Variants in KBTBD11 observed in about 807,000 individuals in gnomAD.
The protein encoded by KBTBD11 is kelch repeat and BTB domain containing 11, also known as kelch repeat and BTB domain-containing protein 11.
For synonymous variants in KBTBD11, 747 were observed against 499.0 expected (o/e 1.50, Z -6.63); for missense variants, 1,390 against 1,001.8 (o/e 1.39, Z -5.23).
intron 1 of KBTBD11, among the ~76,000 whole-genome samples, chr8:1,986,428 G>C (rs915804253): frequency 3.3e-5 from 5 of 152,176 alleles, no homozygotes; most frequent in African/African-American, 1.2e-4. Context: ...GAGATTATTA[G>C]AAAAGGCAGA....
chr8:1,977,249 C>G (rs572352628), intron 1 of KBTBD11, among the ~76,000 whole-genome samples: 2 of 152,026 alleles, frequency 1.3e-5, no homozygotes, highest in Non-Finnish European at 2.9e-5. Context: ...GGAGACTTCC[C>G]GAGTCCTAAA....
chr8:1,997,003 C>G (rs1817165021), intron 1 of KBTBD11, among the ~76,000 whole-genome samples: 1 of 151,990 alleles, frequency 6.6e-6, no homozygotes, highest in Non-Finnish European at 1.5e-5. Context: ...CTCCCTGTCT[C>G]CCCCGCGCGC....
intron 1 of KBTBD11, chr8:1,974,696 G>C: frequency 4.1e-6 from 4 of 985,458 alleles, no homozygotes; most frequent in Non-Finnish European, 4.8e-6. Context: ...GGCGGTCTGG[G>C]CGGGATTCCG....
At chr8:1,999,564 G>T (rs564474168) in intron 1 of KBTBD11, among the ~76,000 whole-genome samples, 2 of 152,340 alleles carry the variant, frequency 1.3e-5, no homozygotes, top group Non-Finnish European at 1.5e-5. Flanking sequence ...TAATGCATCT[G>T]CCGGCACTCA....
intron 1 of KBTBD11, among the ~76,000 whole-genome samples, chr8:1,974,144 G>A (rs1335406486): frequency 7.8e-6 from 1 of 129,014 alleles, no homozygotes; most frequent in African/African-American, 2.9e-5. Context: ...GGAGGGGAGG[G>A]GGGACCGGGA....
intron 1 of KBTBD11, among the ~76,000 whole-genome samples, chr8:1,992,364 C>T (rs1035243264): frequency 1.3e-5 from 2 of 152,038 alleles, no homozygotes; most frequent in African/African-American, 2.4e-5. Flanking sequence ...ACACGTCCCC[C>T]AGATACACTC....
chr8:2,002,663 C>A lies in KBTBD11; in HGVS notation c.1471C>A (p.Arg491Ser). ...QECPCSSSRE[R>S]SADMVALDGF... ...GTGCCCGTGCAGCAGCAGCCGCGAG[C>A]GCTCGGCCGACATGGTGGCTCTCGA... The change falls in exon 2 of 2, where the codon CGC becomes AGC. Residue 491 changes from arginine (R) to serine (S), a missense_variant. Coordinates refer to ENST00000320248, the MANE Select transcript of KBTBD11 (RefSeq NM_014867.3). This position sits in a 1 kb window ranked among gnomAD's most constrained non-coding sequence, Gnocchi z 4.1. 6.4e-7 allele frequency: 1 copy of A among 1,572,284 alleles called. No homozygotes were observed. The highest frequency in any genetic ancestry group is 8.6e-7 in the Non-Finnish European group (1 of 1,168,224).
chr8:1,997,687 ATGG>A (rs1817194890), intron 1 of KBTBD11, among the ~76,000 whole-genome samples: 1 of 152,236 alleles, frequency 6.6e-6, no homozygotes, highest in Non-Finnish European at 1.5e-5. Flanking sequence ...AACATCGCTG[ATGG>A]TGGTGGACAG....
At chr8:1,984,862 A>C (rs868272300) in intron 1 of KBTBD11, among the ~76,000 whole-genome samples, 1 of 152,200 alleles carries the variant, frequency 6.6e-6, no homozygotes, top group Non-Finnish European at 1.5e-5. Flanking sequence ...GTTTCAGGCC[A>C]CGTTGCTGCT....
chr8:1,992,841 T>C (rs556647492), intron 1 of KBTBD11, among the ~76,000 whole-genome samples: 1 of 152,276 alleles, frequency 6.6e-6, no homozygotes, highest in Non-Finnish European at 1.5e-5. Flanking sequence ...ATTTTTTTTT[T>C]TCAAAACCTT....
chr8:1,987,033 A>AC (rs1491424937), intron 1 of KBTBD11, among the ~76,000 whole-genome samples: 2 of 136,008 alleles, frequency 1.5e-5, no homozygotes, highest in African/African-American at 2.5e-5. Context: ...AAAAAAAAAA[A>AC]CCACGCACAC....
At chr8:1,997,140 G>T (rs1428805001) in intron 1 of KBTBD11, among the ~76,000 whole-genome samples, 3 of 152,066 alleles carry the variant, frequency 2.0e-5, no homozygotes, top group Non-Finnish European at 4.4e-5. Context: ...ACCCTCCGGC[G>T]GGGGGTGGGC....
At chr8:1,982,204 G>A (rs1283284407) in intron 1 of KBTBD11, among the ~76,000 whole-genome samples, 1 of 152,110 alleles carries the variant, frequency 6.6e-6, no homozygotes, top group Admixed American at 6.6e-5. Flanking sequence ...CAACTATAAG[G>A]TATTTTATGT....
Position 2,003,172 on chromosome 8 carries a change from G to T in KBTBD11, c.*108G>T. The T allele has an allele frequency of 8.0e-7, 1 of 1,246,306 alleles. No individual in the cohort carries two copies. Among genetic ancestry groups the T allele is most frequent in the Non-Finnish European group, 1.0e-6 (1 of 987,790 alleles). 77.2% of individuals were successfully genotyped at this position (1,246,306 alleles called of 1,614,324 possible). A position where few individuals can be genotyped will look rare whatever the true frequency, so the allele number is the denominator to read the frequency against. Reference sequence around the variant, plus strand: ...GGGAGTCGGGGCCGCTGGCCACGCTGGTGGTTTGGACACTTCGAAGGAGCC... The same window carrying T: ...GGGAGTCGGGGCCGCTGGCCACGCTTGTGGTTTGGACACTTCGAAGGAGCC... On this transcript the variant is annotated 3_prime_UTR_variant, in exon 2 of 2. Transcript: ENST00000320248.
intron 1 of KBTBD11, among the ~76,000 whole-genome samples, chr8:1,987,719 G>A (rs1451760619): frequency 7.7e-6 from 1 of 129,854 alleles, no homozygotes; most frequent in Admixed American, 7.6e-5. Flanking sequence ...CTTATCTTTT[G>A]GAGCCTTTAT....
chr8:1,985,177 G>A (rs576900298), intron 1 of KBTBD11, among the ~76,000 whole-genome samples: 14 of 152,360 alleles, frequency 9.2e-5, no homozygotes, highest in Admixed American at 5.9e-4. Flanking sequence ...ATGGCCGAAT[G>A]CAGGTGACCC....
At chr8:1,980,763 C>T (rs967966481) in intron 1 of KBTBD11, among the ~76,000 whole-genome samples, 6 of 152,228 alleles carry the variant, frequency 3.9e-5, no homozygotes, top group African/African-American at 1.2e-4. Context: ...ATGTTTCCTA[C>T]TGGTTCTGTT....
At chr8:1,990,729 G>T (rs868109033) in intron 1 of KBTBD11, among the ~76,000 whole-genome samples, 5 of 24,396 alleles carry the variant, frequency 2.0e-4, no homozygotes, top group African/African-American at 3.8e-4. Context: ...GCCCTGTCCG[G>T]GTAGGTGCTG....
In KBTBD11 at chr8:2,005,620, C is replaced by G. The variant is rs1272338508; in HGVS notation, c.*2556C>G. ...TCAAAGTGGTGTTCTAAGTCTGCGT[C>G]CAACACTGTGTAGGAAAAAGGTTGG... On this transcript the variant is annotated 3_prime_UTR_variant, in exon 2 of 2. Transcript: ENST00000320248. 1 of 167,110 alleles carries G rather than the reference C, an allele frequency of 6.0e-6. No individual in the cohort carries two copies. Among genetic ancestry groups the G allele is most frequent in the Non-Finnish European group, 1.5e-5 (1 of 68,136 alleles). 10.4% of individuals were successfully genotyped at this position (167,110 alleles called of 1,614,324 possible).
Sources: gnomAD v4.1 joint callset for allele counts (sites outside exome capture counted in the v4.1 genomes callset) on GRCh38, gnomAD v4.1.1 for gene constraint, Gnocchi (gnomAD v3.1) non-coding constraint, MANE v1.5 for transcripts, NCBI Gene and HGNC (gene_info 2026-07-23, HGNC 2026-07-21) for gene names.